The following HMCN1 variants were observed in gnomAD, a reference collection of about 807,000 sequenced individuals.
The protein encoded by HMCN1 is hemicentin 1.
Under a neutral mutation model 625.9 loss-of-function variants are expected in HMCN1, and 321 were observed. The ratio of observed to expected loss-of-function variants is 0.51; its 90% CI spans 0.47 to 0.56. The LOEUF (loss-of-function observed/expected upper bound fraction) is 0.56, where lower values mean the gene tolerates loss of function less well. HMCN1 is among the 20% of genes least tolerant of loss of function. The pLI is 0.00. For synonymous variants in HMCN1, 2,425 were observed against 2,417.6 expected (o/e 1.00, Z -0.09); for missense variants, 6,588 against 6,887.3 (o/e 0.96, Z 1.54).
At chr1:186,149,464 C>G (rs1361857064) in intron 93 of HMCN1, among the ~76,000 whole-genome samples, 1 of 152,138 alleles carries the variant, frequency 6.6e-6, no homozygotes, top group Non-Finnish European at 1.5e-5. Flanking sequence ...GAGTTAGGGC[C>G]TTAGTCTGGA....
intron 68 of HMCN1, among the ~76,000 whole-genome samples, 170 bp downstream of exon 68, chr1:186,095,691 A>G (rs1477310137): frequency 1.3e-5 from 2 of 152,110 alleles, no homozygotes; most frequent in African/African-American, 4.8e-5. Context: ...CATCTGAAGC[A>G]TGTTGAATTT....
chr1:185,847,963 CA>C (rs1013582556), intron 2 of HMCN1, among the ~76,000 whole-genome samples: 75 of 142,292 alleles, frequency 5.3e-4, no homozygotes, highest in African/African-American at 1.7e-3. Context: ...CAAAAGAAAG[CA>C]AAAAAAAAAG....
At chr1:186,145,174 TA>T (rs1419672613) in intron 91 of HMCN1, among the ~76,000 whole-genome samples, 1 of 152,274 alleles carries the variant, frequency 6.6e-6, no homozygotes, top group Non-Finnish European at 1.5e-5. Context: ...TAAGACTCAA[TA>T]AATGTATGTT....
intron 11 of HMCN1, among the ~76,000 whole-genome samples, chr1:185,950,101 G>A (rs1393237711): frequency 2.6e-5 from 4 of 151,680 alleles, no homozygotes; most frequent in African/African-American, 4.9e-5. Context: ...GGGAAATGGG[G>A]TGAATGTCAG....
chr1:185,879,811 G>A (rs1664182106), intron 4 of HMCN1, among the ~76,000 whole-genome samples: 2 of 152,158 alleles, frequency 1.3e-5, no homozygotes, highest in South Asian at 4.1e-4. Flanking sequence ...AGGGTTACAA[G>A]AGTTGAGGAG....
intron 80 of HMCN1, among the ~76,000 whole-genome samples, 174 bp from the exon 81 acceptor site, chr1:186,122,777 C>T (rs1272224672): frequency 2.0e-5 from 3 of 152,082 alleles, no homozygotes; most frequent in Non-Finnish European, 4.4e-5. Context: ...TTCTGAAGTG[C>T]GCCCAGATAA....
At chr1:185,802,268 G>A (rs1342573064) in intron 1 of HMCN1, among the ~76,000 whole-genome samples, 1 of 152,132 alleles carries the variant, frequency 6.6e-6, no homozygotes, top group East Asian at 1.9e-4. Context: ...TAATCAGATT[G>A]AAGGGTAGAG....
intron 1 of HMCN1, among the ~76,000 whole-genome samples, chr1:185,735,451 A>G (rs976628112): frequency 2.0e-5 from 3 of 152,224 alleles, no homozygotes; most frequent in African/African-American, 7.2e-5. Context: ...GATTGAAAGC[A>G]CACTCTGAGG....
chr1:186,112,783 C>T (rs147948477), intron 71 of HMCN1, 29 bp from the exon 72 acceptor site: 216 of 1,613,090 alleles, frequency 1.3e-4, no homozygotes, highest in African/African-American at 9.1e-4. Context: ...GACATTTTAA[C>T]GGCAAATTTC....
intron 11 of HMCN1, among the ~76,000 whole-genome samples, chr1:185,950,635 T>C (rs1432577994): frequency 2.0e-5 from 3 of 151,574 alleles, no homozygotes; most frequent in Non-Finnish European, 4.4e-5. Flanking sequence ...TGGGCTTGAG[T>C]GAAGTAATGG....
At chr1:186,166,964 C>G (rs1651919963) in intron 100 of HMCN1, 22 bp downstream of exon 100, 1 of 1,613,862 alleles carries the variant, frequency 6.2e-7, no homozygotes, top group African/African-American at 1.3e-5. Context: ...GAGGCCTTTT[C>G]TTTATGTTCA....
intron 1 of HMCN1, among the ~76,000 whole-genome samples, chr1:185,748,132 C>G (rs1452085591): frequency 7.1e-6 from 1 of 141,076 alleles, no homozygotes; most frequent in Non-Finnish European, 1.5e-5. Flanking sequence ...AGATATTGTA[C>G]TATCTGGAAT....
Position 186,007,220 on chromosome 1 carries a change from A to C in HMCN1, c.4568A>C (p.Tyr1523Ser), listed in dbSNP as rs1217830108. The change falls in exon 30 of 107, where the codon TAC becomes TCC. Residue 1523 changes from tyrosine to serine, a missense_variant. By Grantham distance (144) the Tyr-to-Ser change is moderately radical (BLOSUM62 -2). Transcript: ENST00000271588. ...KNARRNDKGR[Y>S]QCTVSNAAGK... The stretch of plus-strand genomic sequence containing the variant: ...GCACGGAGAAATGACAAGGGGCGCT[A>C]CCAATGTACTGTGTCTAATGCAGCT... 1 of 1,613,562 alleles carries C rather than the reference A, an allele frequency of 6.2e-7. No homozygotes were observed. The highest frequency in any genetic ancestry group is 8.5e-7 in the Non-Finnish European group (1 of 1,179,664).
At chr1:185,745,894 A>G (rs2102079608) in intron 1 of HMCN1, among the ~76,000 whole-genome samples, 1 of 152,346 alleles carries the variant, frequency 6.6e-6, no homozygotes, top group East Asian at 1.9e-4. Context: ...AAAAGGAAGG[A>G]GACAGGATAG....
At chr1:185,902,587 G>A (rs188329098) in intron 4 of HMCN1, among the ~76,000 whole-genome samples, 31 of 151,802 alleles carry the variant, frequency 2.0e-4, no homozygotes, top group Admixed American at 7.9e-4. Flanking sequence ...AAATGTGTGA[G>A]TGTGTATGCA....
At chr1:186,073,936 A>G (rs573235042) in intron 52 of HMCN1, among the ~76,000 whole-genome samples, 1 of 152,232 alleles carries the variant, frequency 6.6e-6, no homozygotes, top group Admixed American at 6.5e-5. Flanking sequence ...AGTGGGTGAG[A>G]AAGGGTGAGG....
chr1:185,794,623 T>G (rs1247330241), intron 1 of HMCN1, among the ~76,000 whole-genome samples: 1 of 127,516 alleles, frequency 7.8e-6, no homozygotes, highest in East Asian at 2.0e-4. Context: ...TTTTTTTTTT[T>G]GCCTGCTTTA....
intron 68 of HMCN1, among the ~76,000 whole-genome samples, chr1:186,096,349 TCTTA>T (rs1439031905): frequency 2.0e-5 from 3 of 152,170 alleles, no homozygotes; most frequent in African/African-American, 4.8e-5. Flanking sequence ...GCAGATGTCT[TCTTA>T]CTTACTTCTG....
intron 2 of HMCN1, among the ~76,000 whole-genome samples, chr1:185,847,006 G>A (rs1460566881): frequency 7.2e-5 from 11 of 152,094 alleles, no homozygotes; most frequent in Admixed American, 3.9e-4. Context: ...CACTGAGCGG[G>A]TTGGTGCAAC....
Sources: allele counts gnomAD v4.1 joint callset (sites outside exome capture counted in the v4.1 genomes callset), GRCh38; gene constraint gnomAD v4.1.1; transcripts MANE v1.5; gene names NCBI Gene and HGNC (gene_info 2026-07-23, HGNC 2026-07-21).